The following RPGR variants were observed in gnomAD, a reference collection of about 807,000 sequenced individuals.
RPGR encodes retinitis pigmentosa GTPase regulator, also known as X-linked retinitis pigmentosa GTPase regulator.
A neutral mutation model predicts 56.3 loss-of-function variants in RPGR; 10 were observed. The ratio of observed to expected loss-of-function variants is 0.18; its 90% confidence interval spans 0.11 to 0.30. The LOEUF (loss-of-function observed/expected upper bound fraction) is 0.30, where lower values mean the gene tolerates loss of function less well. RPGR is among the 10% of genes least tolerant of loss of function. The pLI is 1.00. For synonymous variants in RPGR, 197 were observed against 212.9 expected, an observed-to-expected ratio of 0.93 and a Z score of 0.65; for missense variants, 538 against 590.9, an observed-to-expected ratio of 0.91 and a Z score of 0.93.
At position 38,297,422 on chromosome X, in the gene RPGR, T is replaced by C; in HGVS notation, c.1276A>G (p.Arg426Gly). 1 of 1,209,374 alleles carries C rather than the reference T, an allele frequency of 8.3e-7. No individual in the cohort carries two copies. The highest frequency in any genetic ancestry group is 1.1e-6 in the Non-Finnish European group (1 of 894,063). Residue 426 changes from arginine (R) to glycine (G), a missense_variant, in exon 11 of 19, where the codon AGA becomes GGA. By Grantham distance (125) the Arg-to-Gly change is moderately radical. This residue lies in a region of RPGR where 357 missense variants were observed against 325.8 expected (regional missense o/e 1.10). Transcript: ENST00000642395. ...GTCCCTTCTATTGGAGGTAGTGTTCTCCTCATTGAAAAAGAATCTGGAGAC... is the reference window on the plus strand; with the variant it reads ...GTCCCTTCTATTGGAGGTAGTGTTCCCCTCATTGAAAAAGAATCTGGAGAC...
At chrX:38,280,384 T>A (rs1048480910) in intron 15 of RPGR, among the ~76,000 whole-genome samples, 3 of 110,689 alleles carry the variant, frequency 2.7e-5, no homozygotes, top group African/African-American at 9.9e-5. Flanking sequence ...CCTCTATACA[T>A]CCTTTTATTG....
At chrX:38,287,784 T>A in intron 14 of RPGR, 77 bp downstream of exon 14, 1 of 939,258 alleles carries the variant, frequency 1.1e-6, no homozygotes, top group South Asian at 2.0e-5. Context: ...CATTATTATT[T>A]TCATGTCTAT....
chrX:38,275,367 T>C (rs2066916104), intron 16 of RPGR, among the ~76,000 whole-genome samples: 2 of 111,569 alleles, frequency 1.8e-5, no homozygotes, highest in African/African-American at 6.5e-5. Context: ...AAAAAAACTG[T>C]ATGACTCAAG....
chrX:38,322,808 A>C, intron 3 of RPGR, 45 bp downstream of exon 3: 1 of 1,033,340 alleles, frequency 9.7e-7, no homozygotes, highest in Non-Finnish European at 1.4e-6. Flanking sequence ...CAGTCAACAT[A>C]AAAATACTTT....
chrX:38,286,065 T>TTCTCCTTCCTCCCCTTCCCCG, intron 15 of RPGR: 1 of 355,198 alleles, frequency 2.8e-6, no homozygotes, highest in Non-Finnish European at 4.0e-6. Context: ...CCCCCTCCCC[T>TTCTCCTTCCTCCCCTTCCCCG]TCTCCTTCCT....
At position 38,322,883 on chromosome X, in the gene RPGR, A is replaced by C. The variant is rs1451614179; in HGVS notation, c.217T>G (p.Ser73Ala). 8.3e-7 allele frequency: 1 copy of C among 1,209,192 alleles called. No individual in the cohort carries two copies. The highest frequency in any genetic ancestry group is 1.7e-5 in the African/African-American group (1 of 57,284). ...ACACATGTTGGCTTGCTGATGGCTGACTTTGATCCTAATCCTAACTGACCC... is the reference window on the plus strand; with the variant it reads ...ACACATGTTGGCTTGCTGATGGCTGCCTTTGATCCTAATCCTAACTGACCC... The change falls in exon 3 of 19, where the codon TCA becomes GCA. Residue 73 changes from serine to alanine, a missense_variant. Physicochemically the swap from Ser to Ala is moderately conservative, Grantham distance 99. Coordinates refer to ENST00000642395, the MANE Select transcript of RPGR (RefSeq NM_000328.3).
At chrX:38,310,527 A>AG (rs1218971300) in intron 7 of RPGR, 88 bp downstream of exon 7, 2 of 947,426 alleles carry the variant, frequency 2.1e-6, no homozygotes, top group East Asian at 3.3e-5. Context: ...ACCACAATAA[A>AG]AAAATGAACA....
At position 38,293,144 on chromosome X, in the gene RPGR, G is replaced by T. The variant is rs138386130; in HGVS notation, c.1415-1660C>A. Among the ~76,000 whole-genome samples, 318 of 111,757 alleles carry T rather than the reference G, an allele frequency of 2.8e-3. 1 individual carries two copies. The highest frequency in any genetic ancestry group is 9.8e-3 in the African/African-American group (303 of 30,812). The stretch of plus-strand genomic sequence containing the variant: ...CTTGTTCTTTCCACTAAGTTAGACT[G>T]AAGAGATCAGTCTGATCAAAATTAA... On this transcript the variant is annotated intron_variant, in intron 11 of 18. Coordinates refer to ENST00000642395, the MANE Select transcript of RPGR (RefSeq NM_000328.3).
intron 15 of RPGR, among the ~76,000 whole-genome samples, chrX:38,278,269 C>G (rs1318550741): frequency 8.9e-6 from 1 of 112,128 alleles, no homozygotes; most frequent in Non-Finnish European, 1.9e-5. Context: ...GAGACAGGGT[C>G]TCACTCTGTC....
chrX:38,309,919 T>C (rs2067679882), intron 7 of RPGR, among the ~76,000 whole-genome samples: 1 of 112,298 alleles, frequency 8.9e-6, no homozygotes, highest in South Asian at 3.7e-4. Context: ...AAAAAAATAT[T>C]CCATAGACCA....
At chrX:38,275,442 G>A (rs2066917190) in intron 16 of RPGR, among the ~76,000 whole-genome samples, 1 of 112,029 alleles carries the variant, frequency 8.9e-6, no homozygotes, top group Non-Finnish European at 1.9e-5. Context: ...ATTTTACAAT[G>A]TCAAATTGGT....
intron 7 of RPGR, among the ~76,000 whole-genome samples, chrX:38,309,393 T>C (rs190260901): frequency 1.8e-5 from 2 of 112,181 alleles, no homozygotes; most frequent in Admixed American, 9.5e-5. Context: ...ATATAGAAAA[T>C]AGCTTGAACA....
intron 1 of RPGR, chrX:38,326,566 T>C (rs1335732943): frequency 9.0e-6 from 1 of 111,546 alleles, no homozygotes; most frequent in Non-Finnish European, 1.9e-5. Flanking sequence ...TTTCTAACTA[T>C]GGAGCTCAGG....
At chrX:38,294,654 C>T (rs1405772375) in intron 11 of RPGR, among the ~76,000 whole-genome samples, 1 of 112,048 alleles carries the variant, frequency 8.9e-6, no homozygotes, top group African/African-American at 3.2e-5. Context: ...CAAATTTCTT[C>T]CTCAAACGTG....
In RPGR at chrX:38,304,690, C is replaced by T; in HGVS notation, c.879G>A (p.Arg293=). Reference sequence around the variant, plus strand: ...AAGAAATATAACTTATTGTTTGATCCCTAATATTCTCAATGACTTTGGGTT... The same window carrying T: ...AAGAAATATAACTTATTGTTTGATCTCTAATATTCTCAATGACTTTGGGTT... The change falls in exon 8 of 19, where the codon AGG becomes AGA. Residue 293 remains arginine, a synonymous_variant. Coordinates refer to ENST00000642395, the MANE Select transcript of RPGR (RefSeq NM_000328.3). 1.7e-6 allele frequency: 2 copies of T among 1,200,325 alleles called. No individual in the cohort carries two copies. The highest frequency in any genetic ancestry group is 1.8e-5 in the South Asian group (1 of 56,629).
At chrX:38,292,297 G>A (rs1287287549) in intron 11 of RPGR, among the ~76,000 whole-genome samples, 1 of 112,304 alleles carries the variant, frequency 8.9e-6, no homozygotes, top group Non-Finnish European at 1.9e-5. Flanking sequence ...TAAGTTTTAG[G>A]GTCATTTTTT....
chrX:38,281,224 T>C (rs1439048197), intron 15 of RPGR, among the ~76,000 whole-genome samples: 1 of 112,814 alleles, frequency 8.9e-6, no homozygotes, highest in Non-Finnish European at 1.9e-5. Context: ...CATAAACAAA[T>C]GCATGATCCA....
intron 6 of RPGR, 106 bp downstream of exon 6, chrX:38,317,210 A>C (rs967686175): frequency 1.2e-6 from 1 of 813,524 alleles, no homozygotes; most frequent in Non-Finnish European, 1.8e-6. Flanking sequence ...TTACATGGAC[A>C]ACCATGGCAT....
At chrX:38,287,019 C>T (rs757940856) in intron 15 of RPGR, 1 of 1,207,355 alleles carries the variant, frequency 8.3e-7, no homozygotes, top group East Asian at 3.0e-5. Flanking sequence ...AACTACCTTC[C>T]TCACAGGTTC....
Sources: gnomAD v4.1 joint callset for allele counts (sites outside exome capture counted in the v4.1 genomes callset) on GRCh38, gnomAD v4.1.1 for gene constraint, gnomAD v4.1.1 regional missense constraint, MANE v1.5 for transcripts, NCBI Gene and HGNC (gene_info 2026-07-23, HGNC 2026-07-21) for gene names.